CHST9: variants seen among roughly 807,000 people sequenced by gnomAD.
CHST9 encodes carbohydrate sulfotransferase 9.
A neutral mutation model predicts 44.4 loss-of-function variants in CHST9; 41 were observed. That is an observed-to-expected ratio of 0.92 (90% CI 0.72 to 1.20). The LOEUF is 1.20. Among genes scored for constraint, CHST9 ranks in the 50% most tolerant of loss-of-function variants. CHST9 has a pLI of 0.00. For missense variants in CHST9, 504 were observed against 516.5 expected (o/e 0.98, Z 0.23); for synonymous variants, 171 against 178.4 (o/e 0.96, Z 0.33).
chr18:26,937,222 C>A (rs572310540), intron 5 of CHST9, among the ~76,000 whole-genome samples: 4 of 152,148 alleles, frequency 2.6e-5, no homozygotes, highest in African/African-American at 7.2e-5. Context: ...TCTCTTAGAC[C>A]AGATTCACTT....
At chr18:26,963,903 C>T (rs1470804386) in intron 4 of CHST9, among the ~76,000 whole-genome samples, 1 of 152,128 alleles carries the variant, frequency 6.6e-6, no homozygotes, top group Non-Finnish European at 1.5e-5. Context: ...AGTAAGTGCT[C>T]AATAAATATA....
rs11873820 is a variant in CHST9, at chr18:26,998,453, C to T, written c.202+25663G>A. ...AAACATATCCAGATTGGGCTGGGTG[C>T]GATGGCTCATGCCTATAATCCCAGC... is the stretch of plus-strand genomic sequence containing the variant. On this transcript the variant is annotated intron_variant, in intron 4 of 5. Coordinates refer to ENST00000618847, the MANE Select transcript of CHST9 (RefSeq NM_031422.6). 9.2e-3 allele frequency among the ~76,000 whole-genome samples: 1,406 copies of T among 152,180 alleles called. 21 individuals are homozygous for T. Among genetic ancestry groups the T allele is most frequent in the African/African-American group, 0.032 (1,338 of 41,518 alleles).
chr18:27,053,278 AG>A (rs1356766039), intron 2 of CHST9, among the ~76,000 whole-genome samples: 5 of 133,918 alleles, frequency 3.7e-5, no homozygotes, highest in African/African-American at 1.4e-4. Context: ...GAGAAGGAGA[AG>A]GAGAAGGAGA....
intron 2 of CHST9, among the ~76,000 whole-genome samples, chr18:27,060,889 G>GTAGC (rs1470516252): frequency 1.3e-5 from 2 of 152,338 alleles, no homozygotes; most frequent in East Asian, 3.9e-4. Context: ...AGCCTCCCAA[G>GTAGC]TAGCTGGGAT....
intron 1 of CHST9, among the ~76,000 whole-genome samples, chr18:27,147,248 G>C (rs1379159583): frequency 6.6e-6 from 1 of 151,936 alleles, no homozygotes. Flanking sequence ...TGTATTTTTA[G>C]TAGATACGGG....
At chr18:27,165,697 TA>T in intron 1 of CHST9, among the ~76,000 whole-genome samples, 1 of 152,316 alleles carries the variant, frequency 6.6e-6, no homozygotes, top group African/African-American at 2.4e-5. Context: ...ATGCCAAAAT[TA>T]TGAAATGTAT....
chr18:27,078,625 CAG>C (rs979792984), intron 2 of CHST9, among the ~76,000 whole-genome samples: 4 of 152,184 alleles, frequency 2.6e-5, no homozygotes, highest in Admixed American at 2.6e-4. Context: ...TCCCCACTAA[CAG>C]GGATCAGAGA....
intron 1 of CHST9, among the ~76,000 whole-genome samples, chr18:27,150,452 G>C (rs2058650604): frequency 6.6e-6 from 1 of 152,108 alleles, no homozygotes; most frequent in Admixed American, 6.6e-5. Context: ...CCCTGTCCTT[G>C]TCTTCAATCA....
intron 1 of CHST9, among the ~76,000 whole-genome samples, chr18:27,154,996 C>A (rs2058687272): frequency 6.6e-6 from 1 of 151,150 alleles, no homozygotes; most frequent in African/African-American, 2.4e-5. Flanking sequence ...GCATGAGAAT[C>A]CCTTGAGCCT....
chr18:27,026,074 A>T (rs2057282015), intron 3 of CHST9, among the ~76,000 whole-genome samples: 1 of 152,208 alleles, frequency 6.6e-6, no homozygotes, highest in Admixed American at 6.5e-5. Context: ...ATAACAATCA[A>T]GTCATTTCCT....
intron 5 of CHST9, 141 bp downstream of exon 5, chr18:26,944,188 G>T: frequency 1.5e-6 from 1 of 668,674 alleles, no homozygotes; most frequent in Non-Finnish European, 2.5e-6. Context: ...GACCAAATAT[G>T]TTTTTTTCCC....
intron 5 of CHST9, chr18:26,924,630 A>C: frequency 1.1e-6 from 1 of 921,096 alleles, no homozygotes; most frequent in Non-Finnish European, 1.3e-6. Context: ...AATTGTCTCC[A>C]GTCATTGATA....
rs147806130 is a variant in CHST9 at position 26,909,841 on chromosome 18, C to G, written c.*6418G>C. ...AGGAGGTTGTCAGAGCATTAAGAAG[C>G]AAGAGAGTAGAATGTTACAGGGGGT... On this transcript the variant is annotated 3_prime_UTR_variant, in exon 6 of 6. Transcript: ENST00000618847. The G allele has an allele frequency of 1.3e-5, 2 of 152,288 alleles. No individual in the cohort carries two copies. Among genetic ancestry groups the G allele is most frequent in the Non-Finnish European group, 2.9e-5 (2 of 68,246 alleles). 9.4% of individuals were successfully genotyped at this position (152,288 alleles called of 1,614,324 possible).
intron 4 of CHST9, among the ~76,000 whole-genome samples, chr18:26,950,253 C>T (rs771312430): frequency 1.3e-5 from 2 of 152,158 alleles, no homozygotes; most frequent in Non-Finnish European, 2.9e-5. Flanking sequence ...GAGATTATTC[C>T]TCCTATGTTT....
At chr18:27,159,219 T>A (rs2143922044) in intron 1 of CHST9, among the ~76,000 whole-genome samples, 1 of 152,342 alleles carries the variant, frequency 6.6e-6, no homozygotes, top group African/African-American at 2.4e-5. Context: ...CTAGGTTTTC[T>A]TCTAGGGGTT....
chr18:27,124,008 G>A (rs1362264115), intron 2 of CHST9, among the ~76,000 whole-genome samples: 1 of 152,178 alleles, frequency 6.6e-6, no homozygotes, highest in Non-Finnish European at 1.5e-5. Context: ...CTGTACAAAG[G>A]AGCTGACAGA....
intron 4 of CHST9, among the ~76,000 whole-genome samples, chr18:26,959,722 A>G (rs551472409): frequency 1.4e-3 from 215 of 152,326 alleles, no homozygotes; most frequent in South Asian, 4.4e-3. Context: ...CAAAGCAAAA[A>G]TTGTATGATG....
intron 4 of CHST9, among the ~76,000 whole-genome samples, chr18:26,980,125 A>T (rs895388187): frequency 3.0e-4 from 46 of 152,032 alleles, no homozygotes; most frequent in Admixed American, 2.0e-3. Flanking sequence ...CTGTTTCCCT[A>T]CCCACTCTAC....
chr18:27,004,698 G>A (rs546587301), intron 4 of CHST9, among the ~76,000 whole-genome samples: 83 of 152,114 alleles, frequency 5.5e-4, no homozygotes, highest in African/African-American at 1.9e-3. Flanking sequence ...TTCCCTTTTC[G>A]TAGTACAAAT....
Sources: allele counts gnomAD v4.1 joint callset (sites outside exome capture counted in the v4.1 genomes callset), GRCh38; gene constraint gnomAD v4.1.1; transcripts MANE v1.5; gene names NCBI Gene and HGNC (gene_info 2026-07-23, HGNC 2026-07-21).